Variants in ZNF100 observed in about 807,000 individuals in gnomAD.
The protein encoded by ZNF100 is zinc finger protein 100 (Y1).
In ZNF100, 12 loss-of-function variants were observed where a neutral mutation model predicts 15.8. The ratio of observed to expected loss-of-function variants is 0.76; its 90% CI spans 0.49 to 1.23. The LOEUF (loss-of-function observed/expected upper bound fraction) is 1.23, where lower values mean the gene tolerates loss of function less well. ZNF100 is among the 50% of genes most tolerant of loss of function. The pLI is 0.00. For missense variants in ZNF100, 670 were observed against 635.6 expected, an observed-to-expected ratio of 1.05 and a Z score of -0.58; for synonymous variants, 226 against 214.8, an observed-to-expected ratio of 1.05 and a Z score of -0.45.
At chr19:21,757,416 C>T (rs2036408407) in intron 2 of ZNF100, among the ~76,000 whole-genome samples, 1 of 152,176 alleles carries the variant, frequency 6.6e-6, no homozygotes, top group African/African-American at 2.4e-5. Context: ...CAGCCTTGGT[C>T]ACAGAGTGAG....
chr19:21,751,782 G>T, intron 2 of ZNF100: 1 of 1,250,752 alleles, frequency 8.0e-7, no homozygotes, highest in Non-Finnish European at 1.1e-6. Flanking sequence ...GCTCCTCTTA[G>T]CAAAGAAAGA....
chr19:21,759,456 A>G (rs976846993), intron 2 of ZNF100, among the ~76,000 whole-genome samples: 5 of 152,234 alleles, frequency 3.3e-5, no homozygotes, highest in African/African-American at 4.8e-5. Flanking sequence ...TTTCTTTTTT[A>G]TCACATAGCC....
intron 4 of ZNF100, among the ~76,000 whole-genome samples, chr19:21,742,376 C>A (rs1029912968): frequency 1.2e-5 from 1 of 86,134 alleles, no homozygotes; most frequent in African/African-American, 4.0e-5. Flanking sequence ...TTTTCTTTTT[C>A]TTTTTTTTTT....
chr19:21,745,656 G>T (rs540539397), intron 2 of ZNF100, among the ~76,000 whole-genome samples: 5 of 151,988 alleles, frequency 3.3e-5, no homozygotes, highest in Admixed American at 2.0e-4. Context: ...CCGAGTAGCT[G>T]GGACTACAGG....
At chr19:21,734,516 A>C (rs914722312) in intron 4 of ZNF100, among the ~76,000 whole-genome samples, 17 of 152,202 alleles carry the variant, frequency 1.1e-4, no homozygotes, top group African/African-American at 4.1e-4. Context: ...AAAAATAAAA[A>C]TAAAAAGGAA....
chr19:21,728,604 C>G (rs1042046607), intron 4 of ZNF100, among the ~76,000 whole-genome samples: 2 of 152,060 alleles, frequency 1.3e-5, no homozygotes, highest in African/African-American at 4.8e-5. Flanking sequence ...AAGACACATT[C>G]TAAGAACATG....
intron 2 of ZNF100, 131 bp downstream of exon 2, chr19:21,765,563 A>G (rs1305114959): frequency 1.3e-6 from 1 of 757,286 alleles, no homozygotes; most frequent in Non-Finnish European, 2.2e-6. Context: ...CCCCCCTTAG[A>G]TGATCCAGGG....
chr19:21,724,578 CTA>C lies in ZNF100; in HGVS notation c.*2103_*2104del, dbSNP rs927884346. Reference sequence around the variant, plus strand: ...AATTTAATTTTACATTTTAAAATAACTAAAAGTATAAAACTGGGTTGCTTGTA... The same window carrying C: ...AATTTAATTTTACATTTTAAAATAACAAAGTATAAAACTGGGTTGCTTGTA... On this transcript the variant is annotated 3_prime_UTR_variant, in exon 5 of 5. Transcript: ENST00000358296. 4.0e-5 allele frequency: 6 copies of C among 151,830 alleles called. No homozygotes were observed. The highest frequency in any genetic ancestry group is 3.9e-4 in the East Asian group (2 of 5,188). The allele number at this position is 151,830 out of a possible 1,614,324, so 9.4% of individuals were successfully genotyped here.
At chr19:21,729,956 AAAG>A (rs2035883122) in intron 4 of ZNF100, among the ~76,000 whole-genome samples, 2 of 152,070 alleles carry the variant, frequency 1.3e-5, no homozygotes, top group African/African-American at 4.8e-5. Context: ...AAGGTCCAAA[AAAG>A]AACATGTGTG....
At chr19:21,758,471 C>G (rs1333558965) in intron 2 of ZNF100, among the ~76,000 whole-genome samples, 1 of 152,168 alleles carries the variant, frequency 6.6e-6, no homozygotes, top group Non-Finnish European at 1.5e-5. Context: ...ATTGTTTGTT[C>G]TACAGACAGT....
chr19:21,736,149 G>A (rs572751004), intron 4 of ZNF100, among the ~76,000 whole-genome samples: 11 of 150,394 alleles, frequency 7.3e-5, no homozygotes, highest in South Asian at 2.1e-4. Flanking sequence ...GTGCAATGGC[G>A]CGATCTTGGC....
rs915375732 is a variant in ZNF100, at chr19:21,725,561, ATCTC to A, written c.*1118_*1121del. 4 of 152,190 alleles carry A rather than the reference ATCTC, an allele frequency of 2.6e-5. No individual in the cohort carries two copies. Among genetic ancestry groups the A allele is most frequent in the East Asian group, 1.9e-4 (1 of 5,200 alleles). The allele number at this position is 152,190 out of a possible 1,614,324, so 9.4% of individuals were successfully genotyped here. ...AATAATGCTCACCTAATAAAAAAGA[ATCTC>A]TCATATCTGATGCAGCAACAATTGA... On this transcript the variant is annotated 3_prime_UTR_variant, in exon 5 of 5. Transcript: ENST00000358296.
At chr19:21,758,015 C>T (rs1163980287) in intron 2 of ZNF100, among the ~76,000 whole-genome samples, 5 of 151,850 alleles carry the variant, frequency 3.3e-5, no homozygotes, top group African/African-American at 1.2e-4. Flanking sequence ...GCCTGTGTGA[C>T]AGAGTGAGAC....
chr19:21,743,984 T>C (rs773347015), intron 4 of ZNF100, 33 bp downstream of exon 4: 2 of 1,570,516 alleles, frequency 1.3e-6, no homozygotes, highest in African/African-American at 2.8e-5. Context: ...GGACCTCACA[T>C]CTGTGTCATC....
intron 4 of ZNF100, among the ~76,000 whole-genome samples, chr19:21,736,190 T>A (rs2036005969): frequency 6.6e-6 from 1 of 151,910 alleles, no homozygotes; most frequent in African/African-American, 2.4e-5. Context: ...CAGGTTCAAG[T>A]GATTCTCCTG....
chr19:21,728,899 G>A (rs2035863734), intron 4 of ZNF100, among the ~76,000 whole-genome samples: 1 of 151,794 alleles, frequency 6.6e-6, no homozygotes, highest in Non-Finnish European at 1.5e-5. Context: ...TCAGAAAAAT[G>A]AAGATAAGAA....
chr19:21,759,027 C>A (rs1473140551), intron 2 of ZNF100, among the ~76,000 whole-genome samples: 1 of 152,146 alleles, frequency 6.6e-6, no homozygotes, highest in Non-Finnish European at 1.5e-5. Flanking sequence ...AACTCAATGT[C>A]TAACATTCGA....
intron 3 of ZNF100, 61 bp downstream of exon 3, chr19:21,744,880 T>G: frequency 6.3e-7 from 1 of 1,578,714 alleles, no homozygotes; most frequent in South Asian, 1.2e-5. Flanking sequence ...CAAAAATCAT[T>G]CCACAAAAAA....
At chr19:21,734,505 AAAAAAT>A (rs1250918942) in intron 4 of ZNF100, among the ~76,000 whole-genome samples, 1 of 152,212 alleles carries the variant, frequency 6.6e-6, no homozygotes, top group South Asian at 2.1e-4. Context: ...GATAAGATTG[AAAAAAT>A]AAAAATAAAA....
Sources: gnomAD v4.1 joint callset for allele counts (sites outside exome capture counted in the v4.1 genomes callset) on GRCh38, gnomAD v4.1.1 for gene constraint, MANE v1.5 for transcripts, NCBI Gene and HGNC (gene_info 2026-07-23, HGNC 2026-07-21) for gene names.